Variants in DAB1 observed in about 807,000 individuals in gnomAD.
DAB1 encodes the protein disabled homolog 1.
DAB1 carries 15 observed loss-of-function variants against 64.6 expected under a neutral mutation model. The ratio of observed to expected loss-of-function variants is 0.23; its 90% CI spans 0.16 to 0.36. The LOEUF (loss-of-function observed/expected upper bound fraction) is 0.36, where lower values mean the gene tolerates loss of function less well. Among genes scored for constraint, DAB1 ranks in the 10% least tolerant of loss-of-function variants. DAB1 has a pLI of 1.00. For missense variants in DAB1, 596 were observed against 706.7 expected, an observed-to-expected ratio of 0.84 and a Z score of 1.78; for synonymous variants, 235 against 251.9, an observed-to-expected ratio of 0.93 and a Z score of 0.64.
chr1:58,473,404 C>A (rs1048480297), intron 3 of DAB1, among the ~76,000 whole-genome samples: 1 of 151,602 alleles, frequency 6.6e-6, no homozygotes, highest in Admixed American at 6.6e-5. Flanking sequence ...TAGCCGGGCG[C>A]GGTGGCGGGC....
At chr1:57,399,848 A>C (rs1442875945) in intron 1 of DAB1, among the ~76,000 whole-genome samples, 3 of 152,228 alleles carry the variant, frequency 2.0e-5, no homozygotes, top group African/African-American at 7.2e-5. Flanking sequence ...GAATTCAATT[A>C]ACTCCAAGGT....
intron 3 of DAB1, among the ~76,000 whole-genome samples, chr1:58,435,270 C>T (rs991323066): frequency 4.6e-5 from 7 of 152,138 alleles, no homozygotes; most frequent in African/African-American, 1.7e-4. Flanking sequence ...CAGATTCTAG[C>T]CTTTCTGTCT....
At chr1:57,609,567 C>G (rs1475133512) in intron 7 of DAB1, among the ~76,000 whole-genome samples, 1 of 152,160 alleles carries the variant, frequency 6.6e-6, no homozygotes, top group Non-Finnish European at 1.5e-5. Flanking sequence ...GTTGGTATGC[C>G]TTCATGCATT....
intron 4 of DAB1, among the ~76,000 whole-genome samples, chr1:57,127,900 C>T (rs1657280080): frequency 6.6e-6 from 1 of 152,162 alleles, no homozygotes; most frequent in African/African-American, 2.4e-5. Flanking sequence ...GTAATCCCAG[C>T]ACTTTGGGAG....
rs575186687 is a variant in DAB1 at position 58,506,273 on chromosome 1, A to G, written n.108-64T>C. ...TTTTGAGGATTTTTTAAAAACTACT[A>G]CTTTATTTTTTTTTAATTCTATTAT... On this transcript the variant is annotated intron_variant and non_coding_transcript_variant, in intron 2 of 20. Coordinates refer to the DAB1 transcript ENST00000485760. 9 of 750,826 alleles carry G rather than the reference A, an allele frequency of 1.2e-5. No individual in the cohort carries two copies. The South Asian group carries it at 1.6e-4, about 13-fold the overall frequency. 46.5% of individuals were successfully genotyped at this position (750,826 alleles called of 1,614,324 possible).
chr1:57,757,202 T>TA (rs1557463338), intron 6 of DAB1, among the ~76,000 whole-genome samples: 7 of 86,280 alleles, frequency 8.1e-5, no homozygotes, highest in Non-Finnish European at 2.0e-5. Flanking sequence ...GGCAGAATTT[T>TA]TTTTTTTTTT....
intron 3 of DAB1, among the ~76,000 whole-genome samples, chr1:58,368,558 G>GT: frequency 6.6e-6 from 1 of 152,126 alleles, no homozygotes; most frequent in African/African-American, 2.4e-5. Flanking sequence ...ATTTTTAATT[G>GT]TTTGTTTTTG....
At position 58,360,747 on chromosome 1, in the gene DAB1, A is replaced by G. The variant is rs1055460584; in HGVS notation, n.258-17344T>C. Among the ~76,000 whole-genome samples, 4 of 152,224 alleles carry G rather than the reference A, an allele frequency of 2.6e-5. No individual in the cohort carries two copies. The East Asian group carries it at 7.7e-4, about 29-fold the overall frequency. ...ATGAGAGAGTGTCAGGCTCAGGAGC[A>G]ATCACATTAGAACCTATAGTAACTT... On this transcript the variant is annotated intron_variant and non_coding_transcript_variant, in intron 3 of 20. Transcript: ENST00000485760.
At chr1:57,347,526 C>T (rs940281122) in intron 1 of DAB1, among the ~76,000 whole-genome samples, 1 of 152,162 alleles carries the variant, frequency 6.6e-6, no homozygotes, top group African/African-American at 2.4e-5. Flanking sequence ...TATCATTATT[C>T]CAATGATCCA....
At chr1:58,084,598 G>A (rs113179093) in intron 5 of DAB1, 1 of 160,402 alleles carries the variant, frequency 6.2e-6, no homozygotes, top group Non-Finnish European at 1.4e-5. Flanking sequence ...GCGGTGGTAA[G>A]GGACAGTGGA....
At chr1:58,487,320 T>G (rs888510994) in intron 3 of DAB1, among the ~76,000 whole-genome samples, 3 of 152,238 alleles carry the variant, frequency 2.0e-5, no homozygotes, top group Non-Finnish European at 2.9e-5. Context: ...AGCTTTTCTT[T>G]TATGATGCTG....
intron 4 of DAB1, among the ~76,000 whole-genome samples, chr1:58,223,628 G>A (rs1002969098): frequency 3.9e-5 from 6 of 152,140 alleles, no homozygotes; most frequent in Admixed American, 2.0e-4. Context: ...TCAGCCCAAC[G>A]AATCTGAAGA....
At chr1:57,273,549 GCCTGCCTTCCTTCCTTCCTTCCTTCCTT>G in intron 2 of DAB1, among the ~76,000 whole-genome samples, 1 of 75,772 alleles carries the variant, frequency 1.3e-5, no homozygotes, top group Non-Finnish European at 2.7e-5. Flanking sequence ...CTGCCTGCCT[GCCTGCCTTCCTTCCTTCCTTCCTTCCTT>G]CCTTCCTTCC....
chr1:58,493,822 G>C lies in DAB1; in HGVS notation n.257+12238C>G, dbSNP rs552863157. On this transcript the variant is annotated intron_variant and non_coding_transcript_variant, in intron 3 of 20. Transcript: ENST00000485760. ...GCTCATGGGTAGGAAGAATCAATAT[G>C]GTGAAAATGGCCATACTGCCCAAGG... Among the ~76,000 whole-genome samples, 160 of 151,462 alleles carry C rather than the reference G, an allele frequency of 1.1e-3. 1 individual carries two copies. The South Asian group carries it at 0.014, about 13-fold the overall frequency.
chr1:57,584,691 C>G (rs2101558217), intron 7 of DAB1, among the ~76,000 whole-genome samples: 1 of 152,308 alleles, frequency 6.6e-6, no homozygotes. Context: ...GAACAAGGTG[C>G]CAAGCCAAAT....
At chr1:57,830,553 T>C (rs1435513325) in intron 1 of DAB1, among the ~76,000 whole-genome samples, 1 of 152,148 alleles carries the variant, frequency 6.6e-6, no homozygotes, top group African/African-American at 2.4e-5. Flanking sequence ...TGTGTATACA[T>C]GTATGTGAGT....
intron 3 of DAB1, among the ~76,000 whole-genome samples, chr1:58,396,528 A>C (rs1644523941): frequency 6.6e-6 from 1 of 152,072 alleles, no homozygotes; most frequent in Non-Finnish European, 1.5e-5. Context: ...GTGCATAGAC[A>C]CAAAGACAAG....
intron 5 of DAB1, among the ~76,000 whole-genome samples, chr1:58,096,669 G>A (rs1470429753): frequency 6.6e-6 from 1 of 152,202 alleles, no homozygotes; most frequent in African/African-American, 2.4e-5. Context: ...CAATGTGAAG[G>A]CAGATAAGGA....
intron 2 of DAB1, among the ~76,000 whole-genome samples, chr1:57,260,075 G>C (rs541231872): frequency 3.9e-5 from 6 of 152,036 alleles, no homozygotes; most frequent in Admixed American, 3.3e-4. Flanking sequence ...TAGAGAACTC[G>C]GCCAAGAAGG....
Sources: allele counts gnomAD v4.1 joint callset (sites outside exome capture counted in the v4.1 genomes callset), GRCh38; gene constraint gnomAD v4.1.1; transcripts MANE v1.5; gene names NCBI Gene and HGNC (gene_info 2026-07-23, HGNC 2026-07-21).